The following ARSB variants were observed in gnomAD, a reference collection of about 807,000 sequenced individuals.
ARSB encodes N-acetylgalactosamine-4-sulfatase.
Under a neutral mutation model 50.9 loss-of-function variants are expected in ARSB, and 41 were observed. The ratio of observed to expected loss-of-function variants is 0.81; its 90% confidence interval spans 0.63 to 1.04. The LOEUF (loss-of-function observed/expected upper bound fraction) is 1.04, where lower values mean the gene tolerates loss of function less well. Ranked by LOEUF, ARSB falls within the 50% of genes least tolerant of loss-of-function variation. The probability of loss-of-function intolerance (pLI) is 0.00; values close to 1 mark genes in which losing one functional copy is unlikely to be tolerated. For synonymous variants in ARSB, 269 were observed against 284.8 expected (o/e 0.94, Z 0.56); for missense variants, 672 against 693.3 (o/e 0.97, Z 0.35).
At chr5:78,829,990 TG>T (rs1744599638) in intron 6 of ARSB, among the ~76,000 whole-genome samples, 1 of 152,156 alleles carries the variant, frequency 6.6e-6, no homozygotes, top group Non-Finnish European at 1.5e-5. Context: ...TTACCAGACC[TG>T]GGGAGGCTCC....
intron 5 of ARSB, among the ~76,000 whole-genome samples, chr5:78,840,037 C>G (rs1197407501): frequency 6.6e-6 from 1 of 152,144 alleles, no homozygotes; most frequent in Non-Finnish European, 1.5e-5. Context: ...AGTTCAACCC[C>G]CTCTTCTTAC....
At chr5:78,802,721 C>T (rs1020099157) in intron 6 of ARSB, among the ~76,000 whole-genome samples, 1 of 152,230 alleles carries the variant, frequency 6.6e-6, no homozygotes, top group Non-Finnish European at 1.5e-5. Flanking sequence ...GGGCCTTAGA[C>T]ATCATCTAAC....
rs1743283450 is a variant in ARSB at position 78,799,173 on chromosome 5, T to G, written c.1214-17199A>C. Among the ~76,000 whole-genome samples, 4 of 152,116 alleles carry G rather than the reference T, an allele frequency of 2.6e-5. 1 individual carries two copies. In the South Asian group the frequency reaches 8.3e-4, roughly 31 times the overall value. Reference sequence around the variant, plus strand: ...GCTCTGCAATTGACTTAGAATGAAATATGAAGGAGGTGCCACCCAGCTCTT... The same window carrying G: ...GCTCTGCAATTGACTTAGAATGAAAGATGAAGGAGGTGCCACCCAGCTCTT... On this transcript the variant is annotated intron_variant, in intron 6 of 7. Coordinates refer to ENST00000264914, the MANE Select transcript of ARSB (RefSeq NM_000046.5).
At chr5:78,852,142 T>A (rs990739489) in intron 5 of ARSB, among the ~76,000 whole-genome samples, 7 of 152,244 alleles carry the variant, frequency 4.6e-5, no homozygotes, top group African/African-American at 1.4e-4. Flanking sequence ...GTTGATGCAG[T>A]TTCTTCCTAG....
At chr5:78,956,749 T>C (rs781661205) in intron 3 of ARSB, among the ~76,000 whole-genome samples, 10 of 152,140 alleles carry the variant, frequency 6.6e-5, no homozygotes, top group Non-Finnish European at 1.5e-4. Flanking sequence ...ATTTTACAGA[T>C]GAGTTAACTG....
At chr5:78,797,741 T>C (rs1207926207) in intron 6 of ARSB, among the ~76,000 whole-genome samples, 1 of 152,188 alleles carries the variant, frequency 6.6e-6, no homozygotes, top group African/African-American at 2.4e-5. Context: ...GCTTTATGGG[T>C]AACCCCTCTC....
At chr5:78,858,364 A>G (rs563921119) in intron 5 of ARSB, among the ~76,000 whole-genome samples, 26 of 152,288 alleles carry the variant, frequency 1.7e-4, no homozygotes, top group African/African-American at 6.3e-4. Flanking sequence ...CACATTTGCT[A>G]GAGTATTTTT....
intron 5 of ARSB, among the ~76,000 whole-genome samples, chr5:78,877,080 T>A (rs560145236): frequency 3.9e-5 from 6 of 152,136 alleles, no homozygotes; most frequent in Non-Finnish European, 7.4e-5. Flanking sequence ...TAGAAAAAGA[T>A]GCCTGTGAGT....
At chr5:78,856,736 T>C (rs1283944517) in intron 5 of ARSB, among the ~76,000 whole-genome samples, 3 of 152,200 alleles carry the variant, frequency 2.0e-5, no homozygotes, top group Non-Finnish European at 4.4e-5. Flanking sequence ...CACACACACA[T>C]ATATGCATGT....
At chr5:78,845,825 T>C (rs561610533) in intron 5 of ARSB, among the ~76,000 whole-genome samples, 25 of 152,318 alleles carry the variant, frequency 1.6e-4, no homozygotes, top group Middle Eastern at 3.4e-3. Flanking sequence ...TCTCCCATTA[T>C]GCAGGCTGTC....
intron 6 of ARSB, among the ~76,000 whole-genome samples, chr5:78,814,011 A>G (rs1171100454): frequency 2.9e-5 from 4 of 138,396 alleles, no homozygotes; most frequent in Non-Finnish European, 4.8e-5. Flanking sequence ...ATAATAATCC[A>G]TTTGGAAAGA....
Position 78,984,978 on chromosome 5 carries a change from A to C in ARSB, c.271T>G (p.Cys91Gly). ...LLDNYYTQPL[C>G]TPSRSQLLTG... is the part of the protein sequence containing the mutation. ...AGCAGCTGGCTCCGCGACGGCGTGC[A>C]CAGCGGCTGCGTGTAGTAGTTGTCC... is the stretch of plus-strand genomic sequence containing the variant. Residue 91 changes from cysteine (C) to glycine (G), a missense_variant, in exon 1 of 8, where the codon TGC becomes GGC. Coordinates refer to ENST00000264914, the MANE Select transcript of ARSB (RefSeq NM_000046.5). 1 of 1,515,908 alleles carries C rather than the reference A, an allele frequency of 6.6e-7. No homozygotes were observed. Among genetic ancestry groups the C allele is most frequent in the Non-Finnish European group, 8.8e-7 (1 of 1,133,712 alleles). The allele number at this position is 1,515,908 out of a possible 1,614,324, so 93.9% of individuals were successfully genotyped here.
intron 1 of ARSB, among the ~76,000 whole-genome samples, chr5:78,977,455 G>T (rs1467680705): frequency 6.6e-6 from 1 of 151,984 alleles, no homozygotes; most frequent in East Asian, 1.9e-4. Flanking sequence ...CGCCTGGCCT[G>T]TTTGTATTTA....
At chr5:78,839,903 C>T (rs1033257661) in intron 5 of ARSB, among the ~76,000 whole-genome samples, 7 of 152,142 alleles carry the variant, frequency 4.6e-5, no homozygotes, top group East Asian at 1.9e-4. Flanking sequence ...ATTTGCAACA[C>T]GGATCTTAGA....
At chr5:78,916,494 C>T (rs1749549187) in intron 4 of ARSB, among the ~76,000 whole-genome samples, 4 of 152,206 alleles carry the variant, frequency 2.6e-5, no homozygotes, top group Admixed American at 2.6e-4. Flanking sequence ...ATGAGGACCC[C>T]TGGGAATCCT....
chr5:78,915,408 G>C (rs538219475), intron 4 of ARSB, among the ~76,000 whole-genome samples: 2 of 152,224 alleles, frequency 1.3e-5, no homozygotes, highest in African/African-American at 4.8e-5. Flanking sequence ...TGAGGATCGT[G>C]ATTAGGAAAG....
intron 5 of ARSB, among the ~76,000 whole-genome samples, chr5:78,840,273 C>T (rs894703433): frequency 3.3e-5 from 5 of 152,130 alleles, no homozygotes; most frequent in Non-Finnish European, 5.9e-5. Flanking sequence ...TAATACAGTT[C>T]AGCTAAGTAC....
At chr5:78,903,147 G>A (rs1748879611) in intron 4 of ARSB, among the ~76,000 whole-genome samples, 1 of 152,220 alleles carries the variant, frequency 6.6e-6, no homozygotes, top group African/African-American at 2.4e-5. Flanking sequence ...TGTAACTTCA[G>A]AGGGGGAATA....
At chr5:78,867,246 C>T (rs1352177438) in intron 5 of ARSB, among the ~76,000 whole-genome samples, 3 of 152,170 alleles carry the variant, frequency 2.0e-5, no homozygotes, top group Non-Finnish European at 4.4e-5. Context: ...GGGGGAGAGG[C>T]GCCCGCCATT....
Sources: allele counts gnomAD v4.1 joint callset (sites outside exome capture counted in the v4.1 genomes callset), GRCh38; gene constraint gnomAD v4.1.1; transcripts MANE v1.5; gene names NCBI Gene and HGNC (gene_info 2026-07-23, HGNC 2026-07-21).